Variants in ANK3 observed in about 807,000 individuals in gnomAD.
The protein encoded by ANK3 is ankyrin-3.
Under a neutral mutation model 370.9 loss-of-function variants are expected in ANK3, and 57 were observed. That is an observed-to-expected ratio of 0.15 (90% CI 0.12 to 0.19). The LOEUF (loss-of-function observed/expected upper bound fraction) is 0.19. ANK3 is among the 10% of genes least tolerant of loss of function. The probability of loss-of-function intolerance (pLI) is 1.00; values close to 1 mark genes in which losing one functional copy is unlikely to be tolerated. For missense variants in ANK3, 4,439 were observed against 5,302.1 expected (o/e 0.84, Z 5.06); for synonymous variants, 1,929 against 1,946.3 (o/e 0.99, Z 0.23).
upstream of ANK3, among the ~76,000 whole-genome samples, chr10:60,390,761 CACACAAACA>C (rs1361632734): frequency 8.5e-6 from 1 of 118,242 alleles, no homozygotes; most frequent in Non-Finnish European, 1.9e-5. Flanking sequence ...CACACACACA[CACACAAACA>C]ACAATTTCAC....
chr10:60,506,210 T>C (rs1045260924), intron 2 of ANK3, among the ~76,000 whole-genome samples: 1 of 152,124 alleles, frequency 6.6e-6, no homozygotes, highest in Non-Finnish European at 1.5e-5. Flanking sequence ...AACAAAAAAG[T>C]GCTGTTCTTC....
intron 1 of ANK3, among the ~76,000 whole-genome samples, chr10:60,315,354 T>C (rs1221515119): frequency 1.3e-5 from 2 of 152,180 alleles, no homozygotes; most frequent in African/African-American, 4.8e-5. Flanking sequence ...TATGTAACTT[T>C]CACTGAGGTG....
rs767383768 is a variant in ANK3 at position 60,069,820 on chromosome 10, C to T, written c.11061G>A (p.Pro3687=). The change falls in exon 37 of 44, where the codon CCG becomes CCA. Residue 3687 remains proline, a synonymous_variant. Transcript: ENST00000280772. The part of the protein sequence containing the change: ...TPTVEPNPSI[P]TSGECQEGTS... ...TGCCTTCCTGACACTCTCCGCTGGT[C>T]GGGATGCTGGGGTTAGGTTCCACTG... The T allele has an allele frequency of 4.3e-6, 7 of 1,613,954 alleles. No individual in the cohort carries two copies. Among genetic ancestry groups the T allele is most frequent in the East Asian group, 2.2e-5 (1 of 44,876 alleles).
intron 2 of ANK3, among the ~76,000 whole-genome samples, chr10:60,611,101 T>C (rs1038627321): frequency 3.3e-5 from 5 of 152,242 alleles, no homozygotes; most frequent in Non-Finnish European, 5.9e-5. Flanking sequence ...TTCTTCCATA[T>C]GCAAATATTT....
Position 60,090,879 on chromosome 10 carries a change from C to T in ANK3, c.3329-2521G>A, listed in dbSNP as rs80043765. On this transcript the variant is annotated intron_variant, in intron 28 of 43. Coordinates refer to ENST00000280772, the MANE Select transcript of ANK3 (RefSeq NM_020987.5). ...GCATCATCTATTCAAATTGAAAATG[C>T]ACCTACCCTGGACGCAGCAATACCA... Among the ~76,000 whole-genome samples the T allele has an allele frequency of 2.3e-4, 35 of 152,208 alleles. No homozygotes were observed. In the East Asian group the frequency reaches 6.8e-3, roughly 29 times the overall value.
At chr10:60,542,760 G>A (rs185153238) in intron 2 of ANK3, among the ~76,000 whole-genome samples, 76 of 152,004 alleles carry the variant, frequency 5.0e-4, no homozygotes, top group African/African-American at 1.8e-3. Flanking sequence ...CTTTCTAAAG[G>A]TTAAGATTCC....
chr10:60,194,898 C>A (rs1400270679), intron 16 of ANK3, among the ~76,000 whole-genome samples: 1 of 151,944 alleles, frequency 6.6e-6, no homozygotes, highest in African/African-American at 2.4e-5. Flanking sequence ...TCGAAAGTTT[C>A]CAGGAAGAAA....
In ANK3 at chr10:60,535,733, C is replaced by T. The variant is rs527558158; in HGVS notation, c.96+79453G>A. Among the ~76,000 whole-genome samples the T allele has an allele frequency of 3.6e-4, 55 of 151,974 alleles. No individual in the cohort carries two copies. In the Middle Eastern group the frequency reaches 0.014, roughly 38 times the overall value. ...GGGGGAAGAAAAATCTTATTCATTG[C>T]ACATTATTTTTATGCATAAAGTACA... is the stretch of plus-strand genomic sequence containing the variant. On this transcript the variant is annotated intron_variant, in intron 2 of 43. Coordinates refer to the ANK3 transcript ENST00000373827.
intron 1 of ANK3, among the ~76,000 whole-genome samples, chr10:60,704,313 C>CT (rs1019132941): frequency 6.6e-6 from 1 of 152,144 alleles, no homozygotes; most frequent in African/African-American, 2.4e-5. Flanking sequence ...TTTTATTTCT[C>CT]TTTTTAGACT....
intron 2 of ANK3, among the ~76,000 whole-genome samples, chr10:60,543,395 T>C (rs946867576): frequency 1.3e-5 from 2 of 152,070 alleles, no homozygotes; most frequent in Non-Finnish European, 2.9e-5. Context: ...AGATTGGAAG[T>C]GACCCAAATG....
chr10:60,380,338 G>T (rs1026852742), intron 1 of ANK3, among the ~76,000 whole-genome samples: 1 of 152,098 alleles, frequency 6.6e-6, no homozygotes, highest in African/African-American at 2.4e-5. Flanking sequence ...GACTCATCTC[G>T]TGGAGCTCAG....
chr10:60,611,440 A>T (rs1018280159), intron 2 of ANK3, among the ~76,000 whole-genome samples: 1 of 152,174 alleles, frequency 6.6e-6, no homozygotes, highest in Non-Finnish European at 1.5e-5. Context: ...CTCGCACTGG[A>T]ATAGTGGTAG....
At chr10:60,141,577 T>G (rs1408064975) in intron 23 of ANK3, among the ~76,000 whole-genome samples, 1 of 146,112 alleles carries the variant, frequency 6.8e-6, no homozygotes, top group Non-Finnish European at 1.5e-5. Flanking sequence ...TTTTTTTTTT[T>G]TTTTTTTTTG....
At chr10:60,116,347 G>A (rs932492717) in intron 25 of ANK3, among the ~76,000 whole-genome samples, 1 of 152,072 alleles carries the variant, frequency 6.6e-6, no homozygotes, top group Non-Finnish European at 1.5e-5. Context: ...TACTTCAGTG[G>A]AAATCATGGA....
At chr10:60,036,700 T>C (rs752299821) in intron 43 of ANK3, among the ~76,000 whole-genome samples, 1 of 152,052 alleles carries the variant, frequency 6.6e-6, no homozygotes, top group Non-Finnish European at 1.5e-5. Context: ...CCTCCTAAAG[T>C]GCTGGGAATA....
intron 1 of ANK3, among the ~76,000 whole-genome samples, chr10:60,308,376 T>C (rs1320041649): frequency 4.2e-5 from 6 of 143,346 alleles, no homozygotes; most frequent in African/African-American, 1.3e-4. Flanking sequence ...CTCGGCTCAC[T>C]GCAACCTCCG....
intron 1 of ANK3, among the ~76,000 whole-genome samples, chr10:60,343,039 G>T (rs1271090925): frequency 6.6e-6 from 1 of 152,104 alleles, no homozygotes; most frequent in Non-Finnish European, 1.5e-5. Flanking sequence ...ACAGTGTAAG[G>T]CTGCAGACCA....
intron 6 of ANK3, among the ~76,000 whole-genome samples, chr10:60,262,742 G>A (rs191438985): frequency 6.6e-6 from 1 of 152,154 alleles, no homozygotes; most frequent in East Asian, 1.9e-4. Flanking sequence ...CACCACAGAG[G>A]GTAAGTGTCA....
chr10:60,262,063 T>C (rs1472574564), intron 6 of ANK3, 106 bp from the exon 7 acceptor site: 18 of 860,612 alleles, frequency 2.1e-5, no homozygotes, highest in African/African-American at 3.3e-5. Flanking sequence ...CAAAATATGC[T>C]GAGGTCTATG....
Sources: allele counts gnomAD v4.1 joint callset (sites outside exome capture counted in the v4.1 genomes callset), GRCh38; gene constraint gnomAD v4.1.1; transcripts MANE v1.5; gene names NCBI Gene and HGNC (gene_info 2026-07-23, HGNC 2026-07-21).